Variants in ASPHD1 observed in about 807,000 individuals in gnomAD.
ASPHD1 encodes aspartate beta-hydroxylase domain-containing protein 1.
ASPHD1 carries 20 observed loss-of-function variants against 28.3 expected under a neutral mutation model. That is an observed-to-expected ratio of 0.71 (90% CI 0.50 to 1.03). ASPHD1 has a LOEUF of 1.03. Ranked by LOEUF, ASPHD1 falls within the 50% of genes least tolerant of loss-of-function variation. The pLI is 0.00. For synonymous variants in ASPHD1, 240 were observed against 221.2 expected, an observed-to-expected ratio of 1.08 and a Z score of -0.75; for missense variants, 479 against 524.1, an observed-to-expected ratio of 0.91 and a Z score of 0.84.
downstream of ASPHD1, chr16:29,911,029 G>A (rs762939828): frequency 1.3e-5 from 21 of 1,614,026 alleles, no homozygotes; most frequent in Admixed American, 3.3e-5. Context: ...AGCACACCTC[G>A]GCGATTTTGC....
At chr16:29,911,918 C>A (rs376279935) in intron 3 of ASPHD1, 3 of 1,606,956 alleles carry the variant, frequency 1.9e-6, no homozygotes, top group Non-Finnish European at 2.6e-6. Context: ...AGGGAGAGGC[C>A]CCCCCAGTGA....
At chr16:29,902,593 C>T (rs1455264516) in intron 1 of ASPHD1, among the ~76,000 whole-genome samples, 1 of 151,744 alleles carries the variant, frequency 6.6e-6, no homozygotes, top group African/African-American at 2.4e-5. Flanking sequence ...CTGCAAGCTC[C>T]ACCTCCCGGG....
In ASPHD1 at chr16:29,900,825, T is replaced by G. The variant is rs2068530777; in HGVS notation, c.-147T>G. On this transcript the variant is annotated 5_prime_UTR_variant, in exon 1 of 3. Transcript: ENST00000308748. Reference sequence around the variant, plus strand: ...CGGGGGTGGGGAGGAAAGGGGGAGATTGAGGTGGGAGAGAGAAGCAGAGCG... The same window carrying G: ...CGGGGGTGGGGAGGAAAGGGGGAGAGTGAGGTGGGAGAGAGAAGCAGAGCG... 1.1e-4 allele frequency: 75 copies of G among 655,384 alleles called. No individual in the cohort carries two copies. Among genetic ancestry groups the G allele is most frequent in the East Asian group, 2.4e-4 (8 of 32,858 alleles). The allele number at this position is 655,384 out of a possible 1,614,324, so 40.6% of individuals were successfully genotyped here. A position where few individuals can be genotyped will look rare whatever the true frequency, so the allele number is the denominator to read the frequency against.
downstream of ASPHD1, among the ~76,000 whole-genome samples, chr16:29,910,266 C>T (rs2068682850): frequency 6.6e-6 from 1 of 151,824 alleles, no homozygotes; most frequent in Admixed American, 6.6e-5. Flanking sequence ...GGCATGGTGG[C>T]ACGTGCCTGT....
downstream of ASPHD1, chr16:29,906,468 T>C: frequency 2.2e-6 from 1 of 461,272 alleles, no homozygotes; most frequent in Admixed American, 2.3e-5. Flanking sequence ...GTAGGGAGGA[T>C]GGTGGGGAGG....
intron 3 of ASPHD1, chr16:29,912,453 T>C: frequency 4.3e-6 from 1 of 234,512 alleles, no homozygotes; most frequent in Non-Finnish European, 8.2e-6. Context: ...TTTCTTTTTC[T>C]TTTTTTGAGA....
In ASPHD1 at chr16:29,902,051, C is replaced by G; in HGVS notation, c.949+131C>G. 4.5e-6 allele frequency: 3 copies of G among 668,682 alleles called. No individual in the cohort carries two copies. In the South Asian group the frequency reaches 9.7e-5, roughly 22 times the overall value. The allele number at this position is 668,682 out of a possible 1,614,324, so 41.4% of individuals were successfully genotyped here. A position where few individuals can be genotyped will look rare whatever the true frequency, so the allele number is the denominator to read the frequency against. On this transcript the variant is annotated intron_variant, in intron 1 of 2. Transcript: ENST00000308748. Reference sequence around the variant, plus strand: ...TTCTTCCATGGCTCCCTGTTGCCACCCACAGCAGCATTTCCTCAGCCTCGG... The same window carrying G: ...TTCTTCCATGGCTCCCTGTTGCCACGCACAGCAGCATTTCCTCAGCCTCGG...
At chr16:29,914,319 C>A (rs1237241772) in intron 3 of ASPHD1, 1 of 152,206 alleles carries the variant, frequency 6.6e-6, no homozygotes, top group Admixed American at 6.6e-5. Flanking sequence ...CCAGGATCCC[C>A]CATCATCCCA....
At chr16:29,911,437 C>T (rs2068707463) in intron 3 of ASPHD1, 1 of 560,462 alleles carries the variant, frequency 1.8e-6, no homozygotes, top group Non-Finnish European at 3.1e-6. Context: ...GTCCTGGTGT[C>T]CCCATTTTTT....
chr16:29,911,897 G>GGTGA, intron 3 of ASPHD1: 1 of 1,611,070 alleles, frequency 6.2e-7, no homozygotes, highest in Non-Finnish European at 8.5e-7. Context: ...GGACGAGAGG[G>GGTGA]GTGAGGCTGC....
chr16:29,906,571 A>C, downstream of ASPHD1: 1 of 539,752 alleles, frequency 1.9e-6, no homozygotes, highest in South Asian at 1.5e-5. Flanking sequence ...GATGCACTAA[A>C]AAAAGAGAAA....
At chr16:29,910,853 C>T, downstream of ASPHD1, 1 of 824,248 alleles carries the variant, frequency 1.2e-6, no homozygotes, top group Non-Finnish European at 1.9e-6. Context: ...GTTGTGCACC[C>T]CAGACCCCAG....
At chr16:29,916,857 G>A (rs984213300) in intron 3 of ASPHD1, among the ~76,000 whole-genome samples, 1 of 152,188 alleles carries the variant, frequency 6.6e-6, no homozygotes, top group African/African-American at 2.4e-5. Context: ...GTTTGCCTGG[G>A]CCTAGAAGCT....
At chr16:29,905,003 T>A (rs1278667960) in intron 2 of ASPHD1, 38 bp downstream of exon 2, 1 of 1,503,022 alleles carries the variant, frequency 6.7e-7, no homozygotes, top group Non-Finnish European at 9.2e-7. Flanking sequence ...GATGAGGGAC[T>A]CAGGAGCAAA....
rs752465360 is a variant in ASPHD1 at position 29,904,897 on chromosome 16, C to G, written c.995C>G (p.Pro332Arg). 1.2e-6 allele frequency: 2 copies of G among 1,613,058 alleles called. No individual in the cohort carries two copies. Reference protein sequence around the residue: ...PGCELVVGGEPQCWAEGHCLL... With the variant: ...PGCELVVGGERQCWAEGHCLL... ...TGTGAGCTGGTGGTCGGCGGTGAGC[C>G]CCAGTGCTGGGCTGAGGGGCACTGT... is the stretch of plus-strand genomic sequence containing the variant. The change falls in exon 2 of 3, where the codon CCC (proline) becomes CGC (arginine). Residue 332 changes from proline (P) to arginine (R), a missense_variant. Physicochemically the swap from Pro to Arg is moderately radical, Grantham distance 103 (BLOSUM62 -2). Transcript: ENST00000308748.
chr16:29,906,504 C>A (rs1567437592), downstream of ASPHD1: 2 of 474,594 alleles, frequency 4.2e-6, no homozygotes, highest in Admixed American at 2.3e-5. Flanking sequence ...CTGCAGGACG[C>A]GGGAGGCTGC....
At chr16:29,917,065 A>G (rs1476510326) in intron 3 of ASPHD1, among the ~76,000 whole-genome samples, 2 of 152,318 alleles carry the variant, frequency 1.3e-5, no homozygotes, top group Middle Eastern at 3.4e-3. Flanking sequence ...ACATGCTGTC[A>G]TTTCTGCAAT....
Position 29,901,607 on chromosome 16 carries a change from C to T in ASPHD1, c.636C>T (p.Leu212=), listed in dbSNP as rs762193171. Residue 212 remains leucine (L), a synonymous_variant, in exon 1 of 3, where the codon CTC becomes CTT. Transcript: ENST00000308748. This position sits in a 1 kb window ranked among gnomAD's most constrained non-coding sequence, Gnocchi z 5.1. ...ACGCCCAGCGGCACGACGTGGAGCT[C>T]CTGGAGAGCAGCTTCCCTGCCATTT... ...PRDAQRHDVE[L]LESSFPAILR... The T allele has an allele frequency of 1.3e-6, 2 of 1,557,312 alleles. No individual in the cohort carries two copies. Among genetic ancestry groups the T allele is most frequent in the African/African-American group, 1.4e-5 (1 of 72,960 alleles).
chr16:29,901,604 G>A lies in ASPHD1; in HGVS notation c.633G>A (p.Glu211=). The change falls in exon 1 of 3, where the codon GAG becomes GAA. Residue 211 remains glutamate (E), a synonymous_variant. Transcript: ENST00000308748. This position sits in a 1 kb window ranked among gnomAD's most constrained non-coding sequence, Gnocchi z 5.1. ...GGGACGCCCAGCGGCACGACGTGGAGCTCCTGGAGAGCAGCTTCCCTGCCA... is the reference window on the plus strand; with the variant it reads ...GGGACGCCCAGCGGCACGACGTGGAACTCCTGGAGAGCAGCTTCCCTGCCA... ...VPRDAQRHDV[E]LLESSFPAIL... The A allele has an allele frequency of 1.3e-6, 2 of 1,555,230 alleles. No homozygotes were observed. The highest frequency in any genetic ancestry group is 1.7e-6 in the Non-Finnish European group (2 of 1,159,664).
Sources: gnomAD v4.1 joint callset for allele counts (sites outside exome capture counted in the v4.1 genomes callset) on GRCh38, gnomAD v4.1.1 for gene constraint, Gnocchi (gnomAD v3.1) non-coding constraint, MANE v1.5 for transcripts, NCBI Gene and HGNC (gene_info 2026-07-23, HGNC 2026-07-21) for gene names.